Variants in GUCY1A2 observed in about 807,000 individuals in gnomAD.
GUCY1A2 encodes the protein guanylate cyclase soluble subunit alpha-2.
A neutral mutation model predicts 63.5 loss-of-function variants in GUCY1A2; 27 were observed. The ratio of observed to expected loss-of-function variants is 0.43; its 90% CI spans 0.31 to 0.59. GUCY1A2 has a LOEUF of 0.59. GUCY1A2 is among the 20% of genes least tolerant of loss of function. GUCY1A2 has a pLI of 0.11. For synonymous variants in GUCY1A2, 364 were observed against 343.5 expected (o/e 1.06, Z -0.66); for missense variants, 768 against 913.3 (o/e 0.84, Z 2.05).
chr11:107,017,939 G>T lies in GUCY1A2; in HGVS notation c.117C>A (p.Ser39Arg). Reference sequence around the variant, plus strand: ...GCTCCAGCGGCCCGGGCGGGCTCCGGCTGCCATTCCAGCAGAGCCTAGACA... The same window carrying T: ...GCTCCAGCGGCCCGGGCGGGCTCCGTCTGCCATTCCAGCAGAGCCTAGACA... Reference protein sequence around the residue: ...CPLSRLCWNGSRSPPGPLEPS... With the variant: ...CPLSRLCWNGRRSPPGPLEPS... Residue 39 changes from serine (S) to arginine (R), a missense_variant, in exon 1 of 8, where the codon AGC (serine) becomes AGA (arginine). By Grantham distance (110) the Ser-to-Arg change is moderately radical. This residue lies in a region of GUCY1A2 where 496 missense variants were observed against 486.9 expected (regional missense o/e 1.02). Coordinates refer to ENST00000526355, the MANE Select transcript of GUCY1A2 (RefSeq NM_000855.3). 7.4e-7 allele frequency: 1 copy of T among 1,352,368 alleles called. No individual in the cohort carries two copies. The highest frequency in any genetic ancestry group is 3.1e-5 in the East Asian group (1 of 32,766). 83.8% of individuals were successfully genotyped at this position (1,352,368 alleles called of 1,614,324 possible).
rs1214899872 is a variant in GUCY1A2 at position 106,746,922 on chromosome 11, AC to A, written c.1836+29516del. Among the ~76,000 whole-genome samples the A allele has an allele frequency of 6.6e-5, 10 of 152,162 alleles. No homozygotes were observed. In the South Asian group the frequency reaches 1.7e-3, roughly 25 times the overall value. On this transcript the variant is annotated intron_variant, in intron 6 of 7. Coordinates refer to ENST00000526355, the MANE Select transcript of GUCY1A2 (RefSeq NM_000855.3). The stretch of plus-strand genomic sequence containing the variant: ...GATAAAAAATGGCACGCTGGGCAAA[AC>A]CTTATTTTCCATACTGAGTTGTGCA...
intron 6 of GUCY1A2, among the ~76,000 whole-genome samples, chr11:106,772,232 C>T (rs1041546756): frequency 2.6e-5 from 4 of 152,142 alleles, no homozygotes; most frequent in Non-Finnish European, 5.9e-5. Context: ...AATCCATATA[C>T]AAATTATCAA....
chr11:106,751,513 A>G (rs1863881466), intron 6 of GUCY1A2, among the ~76,000 whole-genome samples: 1 of 150,798 alleles, frequency 6.6e-6, no homozygotes, highest in East Asian at 1.9e-4. Context: ...CAGGTTTTCA[A>G]TGTGTCTGAG....
chr11:107,011,879 A>G (rs1416850312), intron 1 of GUCY1A2, among the ~76,000 whole-genome samples: 1 of 152,032 alleles, frequency 6.6e-6, no homozygotes, highest in Non-Finnish European at 1.5e-5. Context: ...TAGCTATGTA[A>G]TTGTTGCATC....
rs1431597449 is a variant in GUCY1A2 at position 106,810,450 on chromosome 11, T to C, written c.1235A>G (p.His412Arg). 1.2e-6 allele frequency: 2 copies of C among 1,609,470 alleles called. No homozygotes were observed. The highest frequency in any genetic ancestry group is 1.7e-6 in the Non-Finnish European group (2 of 1,176,602). ...TAAAATGGAATTTGATTCTGGAACA[T>C]GGATCATTTGTCCTTTGACTTCCAT... ...KVMEVKGQMI[H>R]VPESNSILFL... Residue 412 changes from histidine to arginine, a missense_variant, in exon 5 of 8, where the codon CAT (histidine) becomes CGT (arginine). By Grantham distance (29) the His-to-Arg change is conservative. Around this residue, in one of 3 missense-constraint regions of GUCY1A2, gnomAD observed 122 missense variants for 238.1 expected, o/e 0.51. Coordinates refer to ENST00000526355, the MANE Select transcript of GUCY1A2 (RefSeq NM_000855.3).
chr11:107,008,940 C>T (rs1029766703), intron 1 of GUCY1A2, among the ~76,000 whole-genome samples: 1 of 152,194 alleles, frequency 6.6e-6, no homozygotes, highest in Admixed American at 6.5e-5. Context: ...CCACAGTAGA[C>T]TCACGCATAA....
At chr11:106,934,922 C>T (rs1860654949) in intron 4 of GUCY1A2, among the ~76,000 whole-genome samples, 1 of 152,150 alleles carries the variant, frequency 6.6e-6, no homozygotes, top group African/African-American at 2.4e-5. Context: ...GTTAACACAT[C>T]CATTTTATTT....
intron 7 of GUCY1A2, among the ~76,000 whole-genome samples, chr11:106,707,535 A>AAGTAAGACATTTTCATGCTTT (rs1862937854): frequency 6.6e-6 from 1 of 152,118 alleles, no homozygotes; most frequent in Non-Finnish European, 1.5e-5. Context: ...AAGTGTGATA[A>AAGTAAGACATTTTCATGCTTT]AGTAAGACAT....
At chr11:106,893,845 G>C (rs1860008659) in intron 4 of GUCY1A2, among the ~76,000 whole-genome samples, 2 of 152,000 alleles carry the variant, frequency 1.3e-5, no homozygotes, top group Admixed American at 1.3e-4. Context: ...AAGTCTGAGA[G>C]ACTAAAAACT....
intron 4 of GUCY1A2, among the ~76,000 whole-genome samples, chr11:106,850,853 TACTC>T (rs1381677136): frequency 1.3e-5 from 2 of 151,942 alleles, no homozygotes; most frequent in African/African-American, 4.8e-5. Context: ...TTTGGATAAA[TACTC>T]AGTAGTGGGA....
At chr11:106,768,999 C>A (rs1255817926) in intron 6 of GUCY1A2, among the ~76,000 whole-genome samples, 1 of 152,092 alleles carries the variant, frequency 6.6e-6, no homozygotes, top group Non-Finnish European at 1.5e-5. Flanking sequence ...GAGACCAAAA[C>A]CCAGCTTTAA....
chr11:106,755,304 A>T (rs996325963), intron 6 of GUCY1A2, among the ~76,000 whole-genome samples: 6 of 152,040 alleles, frequency 3.9e-5, no homozygotes, highest in Admixed American at 2.6e-4. Context: ...CAGCTTCTGG[A>T]TTCATAATTT....
intron 4 of GUCY1A2, among the ~76,000 whole-genome samples, chr11:106,869,073 G>T (rs1048780118): frequency 1.3e-5 from 2 of 152,166 alleles, no homozygotes; most frequent in Non-Finnish European, 2.9e-5. Context: ...AGCTGAAACT[G>T]GATCCCTTCT....
At chr11:106,706,515 CA>C (rs77751211) in intron 7 of GUCY1A2, among the ~76,000 whole-genome samples, 4,138 of 150,592 alleles carry the variant, frequency 0.027, 167 homozygotes, top group East Asian at 0.14. Flanking sequence ...GAGTCACCAC[CA>C]AAATGCACAG....
At chr11:106,902,618 G>A (rs1041019206) in intron 4 of GUCY1A2, among the ~76,000 whole-genome samples, 1 of 152,122 alleles carries the variant, frequency 6.6e-6, no homozygotes, top group Non-Finnish European at 1.5e-5. Context: ...CATGCTGCTG[G>A]TTTTCTATCA....
At chr11:106,749,442 TCA>T (rs1358772360) in intron 6 of GUCY1A2, among the ~76,000 whole-genome samples, 3 of 152,072 alleles carry the variant, frequency 2.0e-5, no homozygotes. Context: ...CTGCTCCACC[TCA>T]CAGCCTCTGC....
intron 3 of GUCY1A2, among the ~76,000 whole-genome samples, chr11:106,951,708 T>C (rs1354735938): frequency 2.0e-5 from 3 of 152,228 alleles, no homozygotes; most frequent in Admixed American, 6.5e-5. Context: ...CTGATGATAG[T>C]TTATTTTGCT....
chr11:106,742,111 T>G (rs17650405), intron 6 of GUCY1A2, among the ~76,000 whole-genome samples: 1 of 152,232 alleles, frequency 6.6e-6, no homozygotes, highest in East Asian at 1.9e-4. Flanking sequence ...CATGTTGTTA[T>G]CAAAATACAC....
chr11:106,759,127 C>T (rs1163742020), intron 6 of GUCY1A2, among the ~76,000 whole-genome samples: 4 of 150,596 alleles, frequency 2.7e-5, no homozygotes, highest in Non-Finnish European at 4.4e-5. Context: ...AACAAACATG[C>T]ACATGTACCC....
Sources: gnomAD v4.1 joint callset for allele counts (sites outside exome capture counted in the v4.1 genomes callset) on GRCh38, gnomAD v4.1.1 for gene constraint, gnomAD v4.1.1 regional missense constraint, MANE v1.5 for transcripts, NCBI Gene and HGNC (gene_info 2026-07-23, HGNC 2026-07-21) for gene names.